Variants in ELMO1 observed in about 807,000 individuals in gnomAD.
ELMO1 encodes the protein engulfment and cell motility 1.
A neutral mutation model predicts 98.9 loss-of-function variants in ELMO1; 26 were observed. The observed-to-expected ratio is 0.26, with a 90% CI of 0.19 to 0.36. The LOEUF is 0.36. ELMO1 is among the 10% of genes least tolerant of loss of function. ELMO1 has a pLI of 1.00. For synonymous variants in ELMO1, 346 were observed against 346.0 expected (o/e 1.00, Z 0.00); for missense variants, 627 against 935.2 (o/e 0.67, Z 4.30).
At chr7:37,387,367 T>G (rs1197734421) in intron 1 of ELMO1, among the ~76,000 whole-genome samples, 1 of 152,222 alleles carries the variant, frequency 6.6e-6, no homozygotes, top group Non-Finnish European at 1.5e-5. Context: ...CCCTCCTAGC[T>G]TCTGGTAGTT....
At chr7:37,094,978 G>A (rs1156545303) in intron 15 of ELMO1, among the ~76,000 whole-genome samples, 4 of 152,160 alleles carry the variant, frequency 2.6e-5, no homozygotes, top group African/African-American at 9.7e-5. Flanking sequence ...ATGTCCCTTG[G>A]GCAAAGGAGA....
chr7:37,337,113 C>T lies in ELMO1; in HGVS notation c.78+5500G>A, dbSNP rs1047555766. 6.6e-5 allele frequency among the ~76,000 whole-genome samples: 10 copies of T among 152,106 alleles called. No individual in the cohort carries two copies. In the East Asian group the frequency reaches 9.6e-4, roughly 15 times the overall value. On this transcript the variant is annotated intron_variant, in intron 2 of 21. Coordinates refer to ENST00000310758, the MANE Select transcript of ELMO1 (RefSeq NM_014800.11). ...GACACATGCACACGTATGTTTATTG[C>T]GGCACTATTCACAATAGCAAAGACT...
intron 16 of ELMO1, among the ~76,000 whole-genome samples, chr7:36,924,737 G>A (rs761600300): frequency 2.6e-5 from 4 of 152,124 alleles, no homozygotes; most frequent in African/African-American, 2.4e-5. Context: ...ATCAGAGAAC[G>A]GAGGGGAACA....
intron 20 of ELMO1, among the ~76,000 whole-genome samples, chr7:36,865,542 T>A (rs1221786223): frequency 6.6e-6 from 1 of 152,208 alleles, no homozygotes; most frequent in Non-Finnish European, 1.5e-5. Context: ...TACTCTGAAT[T>A]CAACATTCCC....
chr7:37,441,021 A>T (rs1216273445), intron 1 of ELMO1, among the ~76,000 whole-genome samples: 1 of 152,048 alleles, frequency 6.6e-6, no homozygotes, highest in African/African-American at 2.4e-5. Flanking sequence ...TTATTTTGAA[A>T]TGGATTACTC....
Position 37,373,129 on chromosome 7 carries a change from C to T in ELMO1, c.-73-30366G>A, listed in dbSNP as rs555954347. Reference sequence around the variant, plus strand: ...CAGCATTTCATGGTGCAGCAGGAGACGGAATCAGGTGTAACACTGAAGACG... The same window carrying T: ...CAGCATTTCATGGTGCAGCAGGAGATGGAATCAGGTGTAACACTGAAGACG... On this transcript the variant is annotated intron_variant, in intron 1 of 21. Transcript: ENST00000310758. 8.5e-5 allele frequency among the ~76,000 whole-genome samples: 13 copies of T among 152,240 alleles called. No individual in the cohort carries two copies. The South Asian group carries it at 2.7e-3, about 32-fold the overall frequency.
intron 8 of ELMO1, among the ~76,000 whole-genome samples, chr7:37,227,850 T>C (rs1793952486): frequency 6.6e-6 from 1 of 152,248 alleles, no homozygotes; most frequent in Non-Finnish European, 1.5e-5. Flanking sequence ...CACATACATA[T>C]TCCATTTCCA....
intron 16 of ELMO1, among the ~76,000 whole-genome samples, chr7:36,936,654 A>G (rs1046102690): frequency 1.4e-4 from 22 of 152,078 alleles, no homozygotes; most frequent in Non-Finnish European, 2.2e-4. Context: ...GATGGGGTCT[A>G]TGTTACCTGG....
intron 15 of ELMO1, among the ~76,000 whole-genome samples, chr7:37,093,529 A>C (rs1784227610): frequency 6.6e-6 from 1 of 152,244 alleles, no homozygotes; most frequent in South Asian, 2.1e-4. Context: ...AAATAATCAC[A>C]TACAAACCAA....
intron 15 of ELMO1, among the ~76,000 whole-genome samples, chr7:37,085,295 G>A (rs1207264973): frequency 6.6e-6 from 1 of 152,096 alleles, no homozygotes; most frequent in East Asian, 1.9e-4. Context: ...TGCAAAAAGT[G>A]TTTTAAAGAC....
rs544411015 is a variant in ELMO1 at position 37,342,667 on chromosome 7, G to T, written c.24C>A (p.Val8=). The change falls in exon 2 of 22, where the codon GTC becomes GTA. Residue 8 remains valine (V), a synonymous_variant. Coordinates refer to ENST00000310758, the MANE Select transcript of ELMO1 (RefSeq NM_014800.11). This position sits in a 1 kb window ranked among gnomAD's most constrained non-coding sequence, Gnocchi z 4.3. MPPPADI[V]KVAIEWPGAY... ...CGCCCGGCCATTCTATGGCCACCTT[G>T]ACGATGTCCGCGGGTGGCGGCATTG... 1 of 1,611,948 alleles carries T rather than the reference G, an allele frequency of 6.2e-7. No individual in the cohort carries two copies. The highest frequency in any genetic ancestry group is 1.3e-5 in the African/African-American group (1 of 74,836).
intron 13 of ELMO1, among the ~76,000 whole-genome samples, chr7:37,171,467 G>A (rs192909516): frequency 5.1e-4 from 54 of 105,912 alleles, no homozygotes; most frequent in African/African-American, 1.6e-3. Context: ...GTTTATTCTT[G>A]TAACCAGGCC....
chr7:37,203,270 G>A (rs1293817103), intron 13 of ELMO1, among the ~76,000 whole-genome samples: 1 of 152,172 alleles, frequency 6.6e-6, no homozygotes, highest in Admixed American at 6.5e-5. Context: ...AGAGTCTTAA[G>A]CATTCTCCCG....
chr7:37,393,281 T>C (rs932635974), intron 1 of ELMO1, among the ~76,000 whole-genome samples: 3 of 152,318 alleles, frequency 2.0e-5, no homozygotes, highest in South Asian at 4.1e-4. Flanking sequence ...TTAGTGAAGA[T>C]TGCCAACAAA....
intron 16 of ELMO1, among the ~76,000 whole-genome samples, chr7:36,974,173 G>C (rs1413562781): frequency 6.6e-6 from 1 of 152,264 alleles, no homozygotes; most frequent in East Asian, 1.9e-4. Context: ...CCCCGGTGTG[G>C]TATCCACTGG....
chr7:37,152,986 C>T (rs201512864), intron 13 of ELMO1, among the ~76,000 whole-genome samples: 1 of 152,052 alleles, frequency 6.6e-6, no homozygotes, highest in Non-Finnish European at 1.5e-5. Flanking sequence ...AAGGGACACA[C>T]GTGGGGAAGG....
chr7:37,398,995 C>T (rs1050423030), intron 1 of ELMO1, among the ~76,000 whole-genome samples: 2 of 152,198 alleles, frequency 1.3e-5, no homozygotes, highest in Non-Finnish European at 2.9e-5. Context: ...CAATGCCTTC[C>T]TGGCACCTGT....
chr7:36,909,709 T>C (rs911283812), intron 16 of ELMO1, among the ~76,000 whole-genome samples: 7 of 152,268 alleles, frequency 4.6e-5, no homozygotes, highest in African/African-American at 1.7e-4. Flanking sequence ...AGTTTTGTTT[T>C]CTGATATCTC....
At chr7:37,433,292 C>G (rs897322706) in intron 1 of ELMO1, among the ~76,000 whole-genome samples, 1 of 152,186 alleles carries the variant, frequency 6.6e-6, no homozygotes, top group African/African-American at 2.4e-5. Flanking sequence ...ATGGGCTCAG[C>G]CTGGGAACAC....
Sources: allele counts gnomAD v4.1 joint callset (sites outside exome capture counted in the v4.1 genomes callset), GRCh38; gene constraint gnomAD v4.1.1; non-coding constraint Gnocchi (gnomAD v3.1); transcripts MANE v1.5; gene names NCBI Gene and HGNC (gene_info 2026-07-23, HGNC 2026-07-21).